The following ADAMTS1 variants were observed in gnomAD, a reference collection of about 807,000 sequenced individuals.
ADAMTS1 encodes the protein A disintegrin and metalloproteinase with thrombospondin motifs 1.
Under a neutral mutation model 87.9 loss-of-function variants are expected in ADAMTS1, and 19 were observed. The observed-to-expected ratio is 0.22, with a 90% confidence interval of 0.15 to 0.32. The LOEUF (loss-of-function observed/expected upper bound fraction) is 0.32. Ranked by LOEUF, ADAMTS1 falls within the 10% of genes least tolerant of loss-of-function variation. ADAMTS1 has a pLI of 1.00. For missense variants in ADAMTS1, 1,240 were observed against 1,259.1 expected (o/e 0.98, Z 0.23); for synonymous variants, 542 against 501.8 (o/e 1.08, Z -1.07).
At chr21:26,838,902 G>T (rs1329042189) in intron 7 of ADAMTS1, 5 of 296,962 alleles carry the variant, frequency 1.7e-5, no homozygotes, top group Non-Finnish European at 3.1e-5. Context: ...GTTTACTGCT[G>T]TATCTTCAGA....
At chr21:26,842,023 A>G in intron 2 of ADAMTS1, 33 bp from the exon 3 acceptor site, 4 of 1,607,662 alleles carry the variant, frequency 2.5e-6, no homozygotes, top group Non-Finnish European at 3.4e-6. Flanking sequence ...CTTATTAATA[A>G]GGGGAGCATG....
Position 26,838,217 on chromosome 21 carries a change from G to A in ADAMTS1, c.2266C>T (p.Arg756Trp), listed in dbSNP as rs368927797. ...TTGTTCCTGGATCCCCTCTGGTTCCGCTGTTTCACTTCGATGTTGGTGGCT... is the reference window on the plus strand; with the variant it reads ...TTGTTCCTGGATCCCCTCTGGTTCCACTGTTTCACTTCGATGTTGGTGGCT... ...TGATNIEVKQ[R>W]NQRGSRNNGS... Residue 756 changes from arginine to tryptophan, a missense_variant, in exon 9 of 9, where the codon CGG (arginine) becomes TGG (tryptophan). Physicochemically the swap from Arg to Trp is moderately radical, Grantham distance 101. Around this residue, in one of 3 missense-constraint regions of ADAMTS1, gnomAD observed 402 missense variants for 399.1 expected, o/e 1.01. Coordinates refer to ENST00000284984, the MANE Select transcript of ADAMTS1 (RefSeq NM_006988.5). 93 of 1,613,794 alleles carry A rather than the reference G, an allele frequency of 5.8e-5. No individual in the cohort carries two copies. Among genetic ancestry groups the A allele is most frequent in the Middle Eastern group, 5.0e-4 (3 of 6,056 alleles).
In ADAMTS1 at chr21:26,835,918, C is replaced by G. The variant is rs1325689813; in HGVS notation, c.*1661G>C. ...TGGCTAGTTTTGTGCTACAACAGCACAGTTGAGCAGTTGTGACATAGATGG... is the reference window on the plus strand; with the variant it reads ...TGGCTAGTTTTGTGCTACAACAGCAGAGTTGAGCAGTTGTGACATAGATGG... On this transcript the variant is annotated 3_prime_UTR_variant, in exon 9 of 9. Transcript: ENST00000284984. 2 of 152,094 alleles carry G rather than the reference C, an allele frequency of 1.3e-5. No individual in the cohort carries two copies. The highest frequency in any genetic ancestry group is 6.5e-5 in the Admixed American group (1 of 15,268). The allele number at this position is 152,094 out of a possible 1,614,324, so 9.4% of individuals were successfully genotyped here.
Position 26,838,295 on chromosome 21 carries a change from C to T in ADAMTS1, c.2205-17G>A. 6.3e-7 allele frequency: 1 copy of T among 1,589,506 alleles called. No homozygotes were observed. Among genetic ancestry groups the T allele is most frequent in the Non-Finnish European group, 8.6e-7 (1 of 1,166,282 alleles). On this transcript the variant is annotated splice_polypyrimidine_tract_variant and intron_variant, in intron 8 of 8. Coordinates refer to ENST00000284984, the MANE Select transcript of ADAMTS1 (RefSeq NM_006988.5). ...TATCCAGGTCTGCAGGTGACAAAAA[C>T]AGGCATAAATCTCTGATTCATTGGC...
In ADAMTS1 at chr21:26,837,691, CT is replaced by C; in HGVS notation, c.2791del (p.Arg931GlufsTer3). On this transcript the variant is annotated frameshift_variant, in exon 9 of 9. Coordinates refer to ENST00000284984, the MANE Select transcript of ADAMTS1 (RefSeq NM_006988.5). LOFTEE classifies it high-confidence loss of function. ...SKTCGKGYKK[R>X]SLKCLSHDGG... ...ATCATGGGACAGACACTTCAAGCTT[CT>C]TTTTTTGTAACCCTTCCCACAGGTC... The C allele has an allele frequency of 6.2e-7, 1 of 1,614,198 alleles. No individual in the cohort carries two copies. Among genetic ancestry groups the C allele is most frequent in the Non-Finnish European group, 8.5e-7 (1 of 1,180,036 alleles).
chr21:26,840,362 G>C lies in ADAMTS1; in HGVS notation c.1579C>G (p.Pro527Ala). The C allele has an allele frequency of 6.2e-7, 1 of 1,614,198 alleles. No individual in the cohort carries two copies. Among genetic ancestry groups the C allele is most frequent in the Non-Finnish European group, 8.5e-7 (1 of 1,180,040 alleles). Residue 527 changes from proline (P) to alanine (A), a missense_variant, in exon 5 of 9, where the codon CCG becomes GCG. Physicochemically the swap from Pro to Ala is conservative, Grantham distance 27 (BLOSUM62 -1). Around this residue, in one of 3 missense-constraint regions of ADAMTS1, gnomAD observed 317 missense variants for 410.3 expected, o/e 0.77. Coordinates refer to ENST00000284984, the MANE Select transcript of ADAMTS1 (RefSeq NM_006988.5). ...CCACAGCTGGTGCCATCCGCCCACG[G>C]GAAGTGTTTGGTTTGACACACCAGC... Reference protein sequence around the residue: ...GVLVCQTKHFPWADGTSCGEG... With the variant: ...GVLVCQTKHFAWADGTSCGEG...
chr21:26,840,402 G>A lies in ADAMTS1; in HGVS notation c.1539C>T (p.Gly513=), dbSNP rs1985467627. 1 of 1,614,192 alleles carries A rather than the reference G, an allele frequency of 6.2e-7. No homozygotes were observed. Among genetic ancestry groups the A allele is most frequent in the Non-Finnish European group, 8.5e-7 (1 of 1,180,038 alleles). ...ASTCSTLWCT[G]TSGGVLVCQT... ...GACACACCAGCACCCCACCAGAGGT[G>A]CCGGTACACCACAAGGTGCTACATG... Residue 513 remains glycine, a synonymous_variant, in exon 5 of 9, where the codon GGC becomes GGT. Coordinates refer to ENST00000284984, the MANE Select transcript of ADAMTS1 (RefSeq NM_006988.5).
Position 26,843,056 on chromosome 21 carries a change from AG to A in ADAMTS1, c.731-372del, listed in dbSNP as rs1410033403. On this transcript the variant is annotated intron_variant, in intron 1 of 8. Coordinates refer to ENST00000284984, the MANE Select transcript of ADAMTS1 (RefSeq NM_006988.5). Reference sequence around the variant, plus strand: ...GCCCTGAGTCACTCTTTCACAGGCGAGGGCTCAAATCCTGAATGAGATCATC... The same window carrying A: ...GCCCTGAGTCACTCTTTCACAGGCGAGGCTCAAATCCTGAATGAGATCATC... 2.5e-5 allele frequency: 7 copies of A among 279,236 alleles called. No individual in the cohort carries two copies. In the East Asian group the frequency reaches 6.9e-4, roughly 28 times the overall value. The allele number at this position is 279,236 out of a possible 1,614,324, so 17.3% of individuals were successfully genotyped here.
At position 26,844,810 on chromosome 21, in the gene ADAMTS1, C is replaced by G. The variant is rs1336822436; in HGVS notation, c.145G>C (p.Ala49Pro). The change falls in exon 1 of 9, where the codon GCA becomes CCA. Residue 49 changes from alanine (A) to proline (P), a missense_variant. By Grantham distance (27) the Ala-to-Pro change is conservative. Transcript: ENST00000284984. ...TCCTCCTCGGAGGGGCGCCCGAGTG[C>G]GTCCGACACGGCCAGTAGCGCCGCG... ...LAAALLAVSD[A>P]LGRPSEEDEE... 6.5e-7 allele frequency: 1 copy of G among 1,546,630 alleles called. No homozygotes were observed. Among genetic ancestry groups the G allele is most frequent in the African/African-American group, 1.4e-5 (1 of 73,494 alleles).
rs377561178 is a variant in ADAMTS1 at position 26,844,199 on chromosome 21, C to T, written c.730+26G>A. 4.6e-5 allele frequency: 70 copies of T among 1,521,714 alleles called. No individual in the cohort carries two copies. The African/African-American group carries it at 8.0e-4, about 17-fold the overall frequency. 94.3% of individuals were successfully genotyped at this position (1,521,714 alleles called of 1,614,324 possible). On this transcript the variant is annotated intron_variant, in intron 1 of 8. Transcript: ENST00000284984. ...AAGTGAGGAGAGGAGGATGAATGGA[C>T]AGACAAACGAGAGCAATTCTTCTAC...
rs557232097 is a variant in ADAMTS1, at chr21:26,843,150, C to G, written c.731-465G>C. The G allele has an allele frequency of 1.1e-5, 3 of 274,942 alleles. No homozygotes were observed. In the East Asian group the frequency reaches 3.0e-4, roughly 27 times the overall value. The allele number at this position is 274,942 out of a possible 1,614,324, so 17.0% of individuals were successfully genotyped here. A position where few individuals can be genotyped will look rare whatever the true frequency, so the allele number is the denominator to read the frequency against. On this transcript the variant is annotated intron_variant, in intron 1 of 8. Coordinates refer to ENST00000284984, the MANE Select transcript of ADAMTS1 (RefSeq NM_006988.5). ...CAAGGGGCCGGGCCTTAAGGAATCT[C>G]AGACTGCACAGCTCTGCTGTCTCAT...
chr21:26,842,756 G>A, intron 1 of ADAMTS1, 71 bp from the exon 2 acceptor site: 1 of 1,366,640 alleles, frequency 7.3e-7, no homozygotes, highest in East Asian at 2.3e-5. Flanking sequence ...GCATATATTA[G>A]GAAAGCCTAA....
intron 1 of ADAMTS1, chr21:26,843,126 A>C (rs910332955): frequency 3.8e-6 from 1 of 263,742 alleles, no homozygotes; most frequent in African/African-American, 2.3e-5. Context: ...GGCTGCTGCC[A>C]AGGGGCCGGG....
rs921063411 is a variant in ADAMTS1 at position 26,844,820 on chromosome 21, G to A, written c.135C>T (p.Ala45=). 1.3e-6 allele frequency: 2 copies of A among 1,551,242 alleles called. No homozygotes were observed. Among genetic ancestry groups the A allele is most frequent in the Non-Finnish European group, 8.7e-7 (1 of 1,148,198 alleles). Residue 45 remains alanine, a synonymous_variant, in exon 1 of 9, where the codon GCC becomes GCT. Coordinates refer to ENST00000284984, the MANE Select transcript of ADAMTS1 (RefSeq NM_006988.5). Reference sequence around the variant, plus strand: ...AGGGGCGCCCGAGTGCGTCCGACACGGCCAGTAGCGCCGCGGCGAGCAGCA... The same window carrying A: ...AGGGGCGCCCGAGTGCGTCCGACACAGCCAGTAGCGCCGCGGCGAGCAGCA... The part of the protein sequence containing the change: ...TLLLLAAALL[A]VSDALGRPSE...
chr21:26,839,960 T>C lies in ADAMTS1; in HGVS notation c.1767A>G (p.Pro589=), dbSNP rs759434835. ...VQYTMRECDN[P]VPKNGGKYCE... is the part of the protein sequence containing the mutation. ...AGTACTTCCCTCCATTCTTTGGGAC[T>C]GGGTTGTCACATTCCCTCATCGTGT... is the stretch of plus-strand genomic sequence containing the variant. The change falls in exon 6 of 9, where the codon CCA becomes CCG. Residue 589 remains proline, a synonymous_variant. Coordinates refer to ENST00000284984, the MANE Select transcript of ADAMTS1 (RefSeq NM_006988.5). 6.2e-7 allele frequency: 1 copy of C among 1,614,140 alleles called. No homozygotes were observed. Among genetic ancestry groups the C allele is most frequent in the Non-Finnish European group, 8.5e-7 (1 of 1,180,034 alleles).
rs1464490865 is a variant in ADAMTS1 at position 26,844,778 on chromosome 21, C to G, written c.177G>C (p.Glu59Asp). Reference protein sequence around the residue: ...ALGRPSEEDEELVVPELERAP... With the variant: ...ALGRPSEEDEDLVVPELERAP... ...CGCGCTCCAGCTCCGGCACCACTAG[C>G]TCCTCGTCCTCCTCGGAGGGGCGCC... The change falls in exon 1 of 9, where the codon GAG becomes GAC. Residue 59 changes from glutamate to aspartate, a missense_variant. Around this residue, in one of 3 missense-constraint regions of ADAMTS1, gnomAD observed 521 missense variants for 449.7 expected, o/e 1.16. Coordinates refer to ENST00000284984, the MANE Select transcript of ADAMTS1 (RefSeq NM_006988.5). 1 of 1,545,810 alleles carries G rather than the reference C, an allele frequency of 6.5e-7. No individual in the cohort carries two copies. Among genetic ancestry groups the G allele is most frequent in the Non-Finnish European group, 8.7e-7 (1 of 1,143,534 alleles).
chr21:26,842,383 G>C lies in ADAMTS1; in HGVS notation c.1033C>G (p.Arg345Gly). The change falls in exon 2 of 9, where the codon CGG becomes GGG. Residue 345 changes from arginine to glycine, a missense_variant. By Grantham distance (125) the Arg-to-Gly change is moderately radical (BLOSUM62 -2). Transcript: ENST00000284984. The part of the protein sequence containing the change: ...WQKQHNPPSD[R>G]DAEHYDTAIL... ...GCTGTGTCATAGTGCTCTGCATCCCGGTCACTGGGTGGGTTGTGCTGCTTC... is the reference window on the plus strand; with the variant it reads ...GCTGTGTCATAGTGCTCTGCATCCCCGTCACTGGGTGGGTTGTGCTGCTTC... 2 of 1,614,088 alleles carry C rather than the reference G, an allele frequency of 1.2e-6. No homozygotes were observed. The highest frequency in any genetic ancestry group is 1.7e-6 in the Non-Finnish European group (2 of 1,180,008).
rs768912751 is a variant in ADAMTS1 at position 26,844,681 on chromosome 21, C to A, written c.274G>T (p.Asp92Tyr). Reference protein sequence around the residue: ...DQQLDLELRPDSSFLAPGFTL... With the variant: ...DQQLDLELRPYSSFLAPGFTL... ...AAGCCGGGCGCCAAAAAGCTGCTGT[C>A]GGGCCGCAGCTCCAGATCCAGCTGC... The change falls in exon 1 of 9, where the codon GAC becomes TAC. Residue 92 changes from aspartate (D) to tyrosine (Y), a missense_variant. This residue lies in a region of ADAMTS1 where 521 missense variants were observed against 449.7 expected (regional missense o/e 1.16). Coordinates refer to ENST00000284984, the MANE Select transcript of ADAMTS1 (RefSeq NM_006988.5). 1.9e-6 allele frequency: 3 copies of A among 1,595,082 alleles called. No individual in the cohort carries two copies. Among genetic ancestry groups the A allele is most frequent in the Non-Finnish European group, 2.6e-6 (3 of 1,171,420 alleles).
At chr21:26,843,229 C>T (rs1326699599) in intron 1 of ADAMTS1, among the ~76,000 whole-genome samples, 1 of 152,214 alleles carries the variant, frequency 6.6e-6, no homozygotes, top group African/African-American at 2.4e-5. Context: ...CAAGGACCAC[C>T]CACTCTGCCC....
Sources: allele counts gnomAD v4.1 joint callset (sites outside exome capture counted in the v4.1 genomes callset), GRCh38; gene constraint gnomAD v4.1.1; regional missense constraint gnomAD v4.1.1; transcripts MANE v1.5; gene names NCBI Gene and HGNC (gene_info 2026-07-23, HGNC 2026-07-21).